Variants in ZNF526 observed in about 807,000 individuals in gnomAD.
ZNF526 encodes the protein zinc finger protein 526.
Under a neutral mutation model 32.4 loss-of-function variants are expected in ZNF526, and 16 were observed. The observed-to-expected ratio is 0.49, with a 90% CI of 0.33 to 0.75. The LOEUF (loss-of-function observed/expected upper bound fraction) is 0.75, where lower values mean the gene tolerates loss of function less well. ZNF526 is among the 30% of genes least tolerant of loss of function. ZNF526 has a pLI of 0.02. For synonymous variants in ZNF526, 355 were observed against 363.4 expected (o/e 0.98, Z 0.26); for missense variants, 838 against 920.7 (o/e 0.91, Z 1.16).
In ZNF526 at chr19:42,225,126, T is replaced by G; in HGVS notation, c.723T>G (p.Asp241Glu). 1.2e-6 allele frequency: 2 copies of G among 1,613,732 alleles called. No individual in the cohort carries two copies. Among genetic ancestry groups the G allele is most frequent in the Non-Finnish European group, 1.7e-6 (2 of 1,179,970 alleles). Residue 241 changes from aspartate to glutamate, a missense_variant, in exon 3 of 3, where the codon GAT becomes GAG. Coordinates refer to ENST00000301215, the MANE Select transcript of ZNF526 (RefSeq NM_133444.3). ...LEEEEEDDEE[D>E]EEDDEEMEDE... ...AGGAGGAAGAGGACGATGAGGAGGATGAAGAAGATGATGAAGAGATGGAGG... is the reference window on the plus strand; with the variant it reads ...AGGAGGAAGAGGACGATGAGGAGGAGGAAGAAGATGATGAAGAGATGGAGG...
In ZNF526 at chr19:42,224,926, C is replaced by T. The variant is rs2036158545; in HGVS notation, c.523C>T (p.Pro175Ser). The T allele has an allele frequency of 6.2e-7, 1 of 1,614,048 alleles. No homozygotes were observed. Among genetic ancestry groups the T allele is most frequent in the Admixed American group, 1.7e-5 (1 of 60,004 alleles). ...SATVAEPPVP[P>S]PLPPPTPLPP... ...TACGGTAGCTGAGCCACCAGTGCCA[C>T]CTCCTTTGCCTCCCCCAACACCACT... The change falls in exon 3 of 3, where the codon CCT (proline) becomes TCT (serine). Residue 175 changes from proline (P) to serine (S), a missense_variant. Physicochemically the swap from Pro to Ser is moderately conservative, Grantham distance 74. Coordinates refer to ENST00000301215, the MANE Select transcript of ZNF526 (RefSeq NM_133444.3).
rs2036164307 is a variant in ZNF526, at chr19:42,225,279, G to T, written c.876G>T (p.Arg292=). Residue 292 remains arginine (R), a synonymous_variant, in exon 3 of 3, where the codon CGG becomes CGT. Transcript: ENST00000301215. ...CAGCAGGGGCTCGCCGGCAACACCGGCGGACGGCTCACAGCCCGGCATCTG... is the reference window on the plus strand; with the variant it reads ...CAGCAGGGGCTCGCCGGCAACACCGTCGGACGGCTCACAGCCCGGCATCTG... ...QPSAGARRQH[R]RTAHSPASAT... The T allele has an allele frequency of 6.2e-7, 1 of 1,612,912 alleles. No homozygotes were observed. The highest frequency in any genetic ancestry group is 8.5e-7 in the Non-Finnish European group (1 of 1,179,340).
intron 1 of ZNF526, among the ~76,000 whole-genome samples, chr19:42,223,628 G>A (rs1599802185): frequency 6.6e-6 from 1 of 150,906 alleles, no homozygotes; most frequent in South Asian, 2.1e-4. Flanking sequence ...GCGACAGAGC[G>A]AGCCTCCATC....
At position 42,226,238 on chromosome 19, in the gene ZNF526, C is replaced by T. The variant is rs759233244; in HGVS notation, c.1835C>T (p.Ala612Val). 2 of 1,613,160 alleles carry T rather than the reference C, an allele frequency of 1.2e-6. No homozygotes were observed. Among genetic ancestry groups the T allele is most frequent in the East Asian group, 4.5e-5 (2 of 44,880 alleles). Residue 612 changes from alanine (A) to valine (V), a missense_variant, in exon 3 of 3, where the codon GCC (alanine) becomes GTC (valine). Transcript: ENST00000301215. ...TLQPPRSPSP[A>V]PPPPPEPQQT... ...CAGCCTCCCAGATCACCATCTCCTG[C>T]CCCACCCCCACCTCCAGAGCCTCAA...
Position 42,226,247 on chromosome 19 carries a change from C to G in ZNF526, c.1844C>G (p.Pro615Arg). 1 of 1,613,644 alleles carries G rather than the reference C, an allele frequency of 6.2e-7. No homozygotes were observed. The highest frequency in any genetic ancestry group is 8.5e-7 in the Non-Finnish European group (1 of 1,180,042). The change falls in exon 3 of 3, where the codon CCA becomes CGA. Residue 615 changes from proline to arginine, a missense_variant. Pro to Arg is a moderately radical substitution (Grantham distance 103). Transcript: ENST00000301215. Reference sequence around the variant, plus strand: ...AGATCACCATCTCCTGCCCCACCCCCACCTCCAGAGCCTCAACAGACTATC... The same window carrying G: ...AGATCACCATCTCCTGCCCCACCCCGACCTCCAGAGCCTCAACAGACTATC... Reference protein sequence around the residue: ...PPRSPSPAPPPPPEPQQTIMC... With the variant: ...PPRSPSPAPPRPPEPQQTIMC...
rs749529712 is a variant in ZNF526, at chr19:42,226,161, G to A, written c.1758G>A (p.Ala586=). The A allele has an allele frequency of 3.7e-5, 59 of 1,607,470 alleles. No homozygotes were observed. Among genetic ancestry groups the A allele is most frequent in the Admixed American group, 2.8e-4 (17 of 60,010 alleles). The change falls in exon 3 of 3, where the codon GCG becomes GCA. Residue 586 remains alanine (A), a synonymous_variant. Coordinates refer to ENST00000301215, the MANE Select transcript of ZNF526 (RefSeq NM_133444.3). ...GTGGCCGCTGGTTCCGCGCCATGGCGGGCTTGCGACTGCATCAGCGGGTCC... is the reference window on the plus strand; with the variant it reads ...GTGGCCGCTGGTTCCGCGCCATGGCAGGCTTGCGACTGCATCAGCGGGTCC... The part of the protein sequence containing the change: ...GTCGRWFRAM[A]GLRLHQRVHA...
At position 42,226,456 on chromosome 19, in the gene ZNF526, A is replaced by T. The variant is rs749667295; in HGVS notation, c.*40A>T. The T allele has an allele frequency of 1.2e-6, 2 of 1,613,678 alleles. No individual in the cohort carries two copies. The highest frequency in any genetic ancestry group is 1.3e-5 in the African/African-American group (1 of 74,926). On this transcript the variant is annotated 3_prime_UTR_variant, in exon 3 of 3. Coordinates refer to ENST00000301215, the MANE Select transcript of ZNF526 (RefSeq NM_133444.3). The stretch of plus-strand genomic sequence containing the variant: ...AACAACAAAAGGGTTTGGTTGCAAC[A>T]GCCAGTGTGGGTACCTCTGGGGAGA...
rs1254676954 is a variant in ZNF526 at position 42,227,855 on chromosome 19, GC to G, written c.*1441del. 6.6e-6 allele frequency: 1 copy of G among 151,962 alleles called. No homozygotes were observed. The highest frequency in any genetic ancestry group is 1.5e-5 in the Non-Finnish European group (1 of 68,008). 9.4% of individuals were successfully genotyped at this position (151,962 alleles called of 1,614,324 possible). On this transcript the variant is annotated 3_prime_UTR_variant, in exon 3 of 3. Transcript: ENST00000301215. ...GACTGAGGCAGGAGGATCACTTAAG[GC>G]CAGGAGTTCGAGACCAGCCTGGGCA...
In ZNF526 at chr19:42,224,771, T is replaced by C. The variant is rs2036156542; in HGVS notation, c.368T>C (p.Leu123Pro). 1 of 1,613,728 alleles carries C rather than the reference T, an allele frequency of 6.2e-7. No homozygotes were observed. The highest frequency in any genetic ancestry group is 8.5e-7 in the Non-Finnish European group (1 of 1,179,990). ...CSQLILSPGE[L>P]LAHQDAHLRE... ...CAGCTCATCCTCTCCCCTGGGGAGC[T>C]CCTGGCCCACCAGGATGCCCACCTC... Residue 123 changes from leucine (L) to proline (P), a missense_variant, in exon 3 of 3, where the codon CTC becomes CCC. Physicochemically the swap from Leu to Pro is moderately conservative, Grantham distance 98 (BLOSUM62 -3). Coordinates refer to ENST00000301215, the MANE Select transcript of ZNF526 (RefSeq NM_133444.3).
At position 42,226,081 on chromosome 19, in the gene ZNF526, C is replaced by G. The variant is rs1333829763; in HGVS notation, c.1678C>G (p.Pro560Ala). 6.2e-7 allele frequency: 1 copy of G among 1,606,800 alleles called. No individual in the cohort carries two copies. Among genetic ancestry groups the G allele is most frequent in the Middle Eastern group, 1.6e-4 (1 of 6,062 alleles). The change falls in exon 3 of 3, where the codon CCC (proline) becomes GCC (alanine). Residue 560 changes from proline to alanine, a missense_variant. By Grantham distance (27) the Pro-to-Ala change is conservative. Coordinates refer to ENST00000301215, the MANE Select transcript of ZNF526 (RefSeq NM_133444.3). The part of the protein sequence containing the change: ...HLRPVAFARA[P>A]RLPITGLYNK... Reference sequence around the variant, plus strand: ...GCGGCCAGTCGCCTTTGCCCGCGCCCCCCGCCTCCCCATCACTGGTCTCTA... The same window carrying G: ...GCGGCCAGTCGCCTTTGCCCGCGCCGCCCGCCTCCCCATCACTGGTCTCTA...
At position 42,225,958 on chromosome 19, in the gene ZNF526, C is replaced by T; in HGVS notation, c.1555C>T (p.Gln519Ter). The change falls in exon 3 of 3, where the codon CAG (glutamine) becomes TAG (stop). Residue 519 changes from glutamine (Q) to a stop codon, truncating the protein, a stop_gained. Transcript: ENST00000301215. LOFTEE classifies it high-confidence loss of function. The part of the protein sequence containing the change: ...FASLANLSRH[Q>*]LTHTGARPYQ... ...TTCTTTGGCCAACCTCAGCCGCCAC[C>T]AGCTGACCCATACGGGTGCACGTCC... The T allele has an allele frequency of 6.2e-7, 1 of 1,614,118 alleles. No homozygotes were observed. The highest frequency in any genetic ancestry group is 1.1e-5 in the South Asian group (1 of 91,090).
chr19:42,221,539 G>T lies in ZNF526; in HGVS notation c.-109+1152G>T, dbSNP rs149413958. Among the ~76,000 whole-genome samples, 196 of 152,170 alleles carry T rather than the reference G, an allele frequency of 1.3e-3. 1 individual carries two copies. Among genetic ancestry groups the T allele is most frequent in the African/African-American group, 4.5e-3 (186 of 41,524 alleles). The stretch of plus-strand genomic sequence containing the variant: ...TTCCAGCTACTCAGGTGACCGAGGC[G>T]GGAGAATCGCTTGGACCCAAGAGGC... On this transcript the variant is annotated intron_variant, in intron 1 of 2. Coordinates refer to ENST00000301215, the MANE Select transcript of ZNF526 (RefSeq NM_133444.3).
intron 1 of ZNF526, among the ~76,000 whole-genome samples, chr19:42,223,107 T>C (rs1185186108): frequency 1.3e-5 from 2 of 152,130 alleles, no homozygotes; most frequent in African/African-American, 2.4e-5. Context: ...TATCTGTGTG[T>C]GTATATGTAA....
At chr19:42,223,647 A>G (rs2036143033) in intron 1 of ZNF526, among the ~76,000 whole-genome samples, 1 of 150,596 alleles carries the variant, frequency 6.6e-6, no homozygotes, top group Non-Finnish European at 1.5e-5. Context: ...TCTCAACAAT[A>G]ACAACAAAAA....
rs1025382948 is a variant in ZNF526 at position 42,226,832 on chromosome 19, G to A, written c.*416G>A. The A allele has an allele frequency of 6.1e-5, 19 of 313,672 alleles. No individual in the cohort carries two copies. The highest frequency in any genetic ancestry group is 1.0e-4 in the Non-Finnish European group (16 of 153,774). 19.4% of individuals were successfully genotyped at this position (313,672 alleles called of 1,614,324 possible). On this transcript the variant is annotated 3_prime_UTR_variant, in exon 3 of 3. Coordinates refer to ENST00000301215, the MANE Select transcript of ZNF526 (RefSeq NM_133444.3). ...AGCCCTTGCCTTCCCTGGATTTTGG[G>A]CACCCAGGACTTTGCTCTGCCTGGT...
intron 1 of ZNF526, among the ~76,000 whole-genome samples, chr19:42,223,367 C>A (rs923369538): frequency 6.6e-6 from 1 of 151,706 alleles, no homozygotes; most frequent in African/African-American, 2.4e-5. Flanking sequence ...ATTGGCCGGG[C>A]GTGGTGGCTC....
chr19:42,223,324 T>C (rs977277252), intron 1 of ZNF526, among the ~76,000 whole-genome samples: 1 of 151,860 alleles, frequency 6.6e-6, no homozygotes, highest in Non-Finnish European at 1.5e-5. Flanking sequence ...TTGGCCAACA[T>C]GGTGAAACCC....
Position 42,224,204 on chromosome 19 carries a change from C to A in ZNF526, c.-108-11C>A. 7.0e-6 allele frequency: 4 copies of A among 572,060 alleles called. No individual in the cohort carries two copies. The highest frequency in any genetic ancestry group is 1.3e-5 in the Non-Finnish European group (4 of 317,774). The allele number at this position is 572,060 out of a possible 1,614,324, so 35.4% of individuals were successfully genotyped here. Reference sequence around the variant, plus strand: ...AAAGAGGCTGGGCTGAGTGGTGTTTCTCTCCTGCAGGCTGCCGTGGGGTGT... The same window carrying A: ...AAAGAGGCTGGGCTGAGTGGTGTTTATCTCCTGCAGGCTGCCGTGGGGTGT... On this transcript the variant is annotated splice_polypyrimidine_tract_variant and intron_variant, in intron 1 of 2. Coordinates refer to ENST00000301215, the MANE Select transcript of ZNF526 (RefSeq NM_133444.3).
Position 42,226,393 on chromosome 19 carries a change from C to A in ZNF526, c.1990C>A (p.Gln664Lys). 6.2e-7 allele frequency: 1 copy of A among 1,614,240 alleles called. No homozygotes were observed. The highest frequency in any genetic ancestry group is 1.1e-5 in the South Asian group (1 of 91,092). ...LGASEAGGLL[Q>K]LDTAFV is the part of the protein sequence containing the mutation. ...GGCCAGTGAAGCAGGCGGGCTCTTG[C>A]AGTTGGACACGGCCTTCGTGTGACG... Residue 664 changes from glutamine to lysine, a missense_variant, in exon 3 of 3, where the codon CAG (glutamine) becomes AAG (lysine). Coordinates refer to ENST00000301215, the MANE Select transcript of ZNF526 (RefSeq NM_133444.3).
Sources: allele counts gnomAD v4.1 joint callset (sites outside exome capture counted in the v4.1 genomes callset), GRCh38; gene constraint gnomAD v4.1.1; transcripts MANE v1.5; gene names NCBI Gene and HGNC (gene_info 2026-07-23, HGNC 2026-07-21).